Variants in TIAM1 observed in about 807,000 individuals in gnomAD.
The protein encoded by TIAM1 is rho guanine nucleotide exchange factor TIAM1.
A neutral mutation model predicts 163.5 loss-of-function variants in TIAM1; 65 were observed. That is an observed-to-expected ratio of 0.40 (90% CI 0.33 to 0.49). The LOEUF is 0.49. Among genes scored for constraint, TIAM1 ranks in the 20% least tolerant of loss-of-function variants. The pLI, the probability that TIAM1 is intolerant of heterozygous loss-of-function variation, is 0.77. For synonymous variants in TIAM1, 833 were observed against 810.1 expected, an observed-to-expected ratio of 1.03 and a Z score of -0.48; for missense variants, 1,789 against 2,044.7, an observed-to-expected ratio of 0.87 and a Z score of 2.41.
At chr21:31,138,081 T>C (rs2082693999) in intron 22 of TIAM1, among the ~76,000 whole-genome samples, 1 of 151,814 alleles carries the variant, frequency 6.6e-6, no homozygotes. Context: ...TGAATCCTCC[T>C]CCCAAACCCC....
At chr21:31,324,346 C>G (rs1407247300) in intron 2 of TIAM1, among the ~76,000 whole-genome samples, 1 of 152,034 alleles carries the variant, frequency 6.6e-6, no homozygotes, top group Non-Finnish European at 1.5e-5. Flanking sequence ...GAGAGAAACT[C>G]TGTCTCAAAA....
chr21:31,280,985 C>T lies in TIAM1; in HGVS notation c.-188-4077G>A, dbSNP rs766872854. ...AAAAAAAATTAGCTGGGTGTGGTGGCGTATGTGTACTCCCAGCTACTTGGG... is the reference window on the plus strand; with the variant it reads ...AAAAAAAATTAGCTGGGTGTGGTGGTGTATGTGTACTCCCAGCTACTTGGG... On this transcript the variant is annotated intron_variant, in intron 2 of 27. Coordinates refer to ENST00000541036, the MANE Select transcript of TIAM1 (RefSeq NM_001353694.2). 8.3e-5 allele frequency among the ~76,000 whole-genome samples: 12 copies of T among 145,022 alleles called. 1 individual carries two copies. Among genetic ancestry groups the T allele is most frequent in the Admixed American group, 5.0e-4 (7 of 13,904 alleles).
intron 1 of TIAM1, among the ~76,000 whole-genome samples, chr21:31,523,428 A>T (rs2047673836): frequency 6.6e-6 from 1 of 152,222 alleles, no homozygotes; most frequent in South Asian, 2.1e-4. Flanking sequence ...ACTCTTCAAA[A>T]TGCAGAAAGA....
intron 2 of TIAM1, among the ~76,000 whole-genome samples, chr21:31,333,322 T>C (rs1255891002): frequency 6.6e-6 from 1 of 152,216 alleles, no homozygotes; most frequent in Admixed American, 6.5e-5. Context: ...TTGGATTACT[T>C]TGAAGATTAA....
At chr21:31,412,087 G>A (rs1269986853) in intron 2 of TIAM1, among the ~76,000 whole-genome samples, 1 of 152,156 alleles carries the variant, frequency 6.6e-6, no homozygotes, top group Non-Finnish European at 1.5e-5. Flanking sequence ...TATACACAAT[G>A]GAATAGTATT....
chr21:31,301,972 C>T (rs1040995129), intron 2 of TIAM1, among the ~76,000 whole-genome samples: 4 of 149,810 alleles, frequency 2.7e-5, no homozygotes, highest in Non-Finnish European at 3.0e-5. Context: ...TATATGTGTG[C>T]GTATATATAT....
intron 2 of TIAM1, among the ~76,000 whole-genome samples, chr21:31,352,739 G>T (rs75795737): frequency 0.086 from 13,011 of 151,578 alleles, 983 homozygotes; most frequent in East Asian, 0.42. Flanking sequence ...GCCAGGGATG[G>T]TAACGCACAC....
intron 1 of TIAM1, among the ~76,000 whole-genome samples, chr21:31,546,195 A>G (rs1282706379): frequency 6.6e-6 from 1 of 151,758 alleles, no homozygotes; most frequent in Non-Finnish European, 1.5e-5. Flanking sequence ...TTTAAAAAAA[A>G]AAAAAAACTG....
intron 8 of TIAM1, 130 bp from the exon 9 acceptor site, chr21:31,217,829 G>T: frequency 9.5e-7 from 1 of 1,057,270 alleles, no homozygotes; most frequent in Non-Finnish European, 1.3e-6. Context: ...TGACCCCAAT[G>T]CCTAAAGTAT....
At chr21:31,337,500 TTTA>T (rs1223724769) in intron 2 of TIAM1, among the ~76,000 whole-genome samples, 7 of 124,970 alleles carry the variant, frequency 5.6e-5, no homozygotes, top group East Asian at 2.0e-4. Context: ...AATTGTTGTT[TTTA>T]TTATTATTAT....
intron 2 of TIAM1, among the ~76,000 whole-genome samples, chr21:31,424,298 T>C (rs944261306): frequency 1.5e-4 from 23 of 152,200 alleles, no homozygotes; most frequent in African/African-American, 5.1e-4. Flanking sequence ...GTGATTTGTC[T>C]ACGATCTCAC....
At chr21:31,252,297 A>G in intron 4 of TIAM1, 108 bp from the exon 5 acceptor site, 1 of 1,245,458 alleles carries the variant, frequency 8.0e-7, no homozygotes, top group Non-Finnish European at 1.1e-6. Context: ...TAGCAGCGGG[A>G]TACGCATAAG....
chr21:31,169,791 T>A (rs1169918038), intron 15 of TIAM1, among the ~76,000 whole-genome samples: 5 of 151,924 alleles, frequency 3.3e-5, no homozygotes, highest in Non-Finnish European at 4.4e-5. Context: ...ATACAAACTG[T>A]AACTAAAACA....
chr21:31,331,036 C>A (rs903581186), intron 2 of TIAM1, among the ~76,000 whole-genome samples: 1 of 152,028 alleles, frequency 6.6e-6, no homozygotes, highest in African/African-American at 2.4e-5. Flanking sequence ...TATACTTAGG[C>A]TATGTTTTCC....
intron 15 of TIAM1, among the ~76,000 whole-genome samples, chr21:31,168,911 A>G (rs1215213619): frequency 6.6e-6 from 1 of 152,252 alleles, no homozygotes; most frequent in African/African-American, 2.4e-5. Context: ...AACAGACACA[A>G]TAACTGACAA....
In TIAM1 at chr21:31,187,079, G is replaced by A. The variant is rs950317709; in HGVS notation, c.2584C>T (p.Leu862Phe). The A allele has an allele frequency of 3.2e-5, 51 of 1,613,922 alleles. No individual in the cohort carries two copies. Among genetic ancestry groups the A allele is most frequent in the Non-Finnish European group, 4.1e-5 (48 of 1,179,950 alleles). ...ATACCATCTTCTTCCACAGAAGAAAGTGAAAACCCTGTGAAACACAAAAAG... is the reference window on the plus strand; with the variant it reads ...ATACCATCTTCTTCCACAGAAGAAAATGAAAACCCTGTGAAACACAAAAAG... ...DTAADTYGFSLSSVEEDGIRR... is the reference protein window; with the variant it reads ...DTAADTYGFSFSSVEEDGIRR... Residue 862 changes from leucine to phenylalanine, a missense_variant, in exon 14 of 28, where the codon CTT becomes TTT. Physicochemically the swap from Leu to Phe is conservative, Grantham distance 22. This residue lies in a region of TIAM1 where 456 missense variants were observed against 586.6 expected (regional missense o/e 0.78). Transcript: ENST00000541036.
intron 1 of TIAM1, among the ~76,000 whole-genome samples, chr21:31,481,260 T>G (rs2046100848): frequency 6.6e-6 from 1 of 152,168 alleles, no homozygotes; most frequent in South Asian, 2.1e-4. Flanking sequence ...GCCAAAGGTA[T>G]AGTCAACACT....
intron 19 of TIAM1, among the ~76,000 whole-genome samples, chr21:31,147,377 C>T (rs964262634): frequency 1.3e-5 from 2 of 152,046 alleles, no homozygotes; most frequent in Non-Finnish European, 2.9e-5. Flanking sequence ...TAAATAAAGG[C>T]AGGAAATGCT....
chr21:31,234,864 T>C (rs542145933), intron 6 of TIAM1, among the ~76,000 whole-genome samples: 10 of 152,006 alleles, frequency 6.6e-5, no homozygotes, highest in Non-Finnish European at 1.3e-4. Context: ...AAGGAAATGA[T>C]GCTAAAGAGA....
Sources: allele counts gnomAD v4.1 joint callset (sites outside exome capture counted in the v4.1 genomes callset), GRCh38; gene constraint gnomAD v4.1.1; regional missense constraint gnomAD v4.1.1; transcripts MANE v1.5; gene names NCBI Gene and HGNC (gene_info 2026-07-23, HGNC 2026-07-21).